THOC5: variants seen among roughly 807,000 people sequenced by gnomAD.
THOC5 encodes the protein THO complex subunit 5, also known as Fms-interacting protein.
THOC5 carries 43 observed loss-of-function variants against 92.9 expected under a neutral mutation model. The observed-to-expected ratio is 0.46, with a 90% CI of 0.36 to 0.60. The LOEUF (loss-of-function observed/expected upper bound fraction) is 0.60. Among genes scored for constraint, THOC5 ranks in the 20% least tolerant of loss-of-function variants. THOC5 has a pLI of 0.00. For missense variants in THOC5, 659 were observed against 849.4 expected (o/e 0.78, Z 2.79); for synonymous variants, 296 against 320.1 (o/e 0.92, Z 0.80).
At chr22:29,531,416 G>C in intron 8 of THOC5, 1 of 1,003,128 alleles carries the variant, frequency 1.0e-6, no homozygotes, top group Non-Finnish European at 1.2e-6. Context: ...AAGACATGCA[G>C]CCTGATTCAA....
At chr22:29,552,365 A>G (rs973046176) in intron 1 of THOC5, among the ~76,000 whole-genome samples, 11 of 144,708 alleles carry the variant, frequency 7.6e-5, no homozygotes, top group Non-Finnish European at 1.7e-4. Context: ...GCCGCCCATC[A>G]TCTCAGATGT....
At chr22:29,531,412 T>C in intron 8 of THOC5, 1 of 1,002,202 alleles carries the variant, frequency 1.0e-6, no homozygotes, top group Non-Finnish European at 1.2e-6. Context: ...AACAAAGACA[T>C]GCAGCCTGAT....
intron 6 of THOC5, among the ~76,000 whole-genome samples, chr22:29,537,940 T>A (rs1175138374): frequency 6.6e-6 from 1 of 152,172 alleles, no homozygotes; most frequent in African/African-American, 2.4e-5. Flanking sequence ...ACCTCTTTAT[T>A]CATATAGAAA....
chr22:29,520,944 C>T, intron 13 of THOC5, 54 bp downstream of exon 13: 2 of 1,408,924 alleles, frequency 1.4e-6, no homozygotes, highest in Non-Finnish European at 2.0e-6. Flanking sequence ...TAGCTTGAGC[C>T]ACCAGAGAAA....
chr22:29,538,204 G>C (rs1403056276), intron 6 of THOC5, among the ~76,000 whole-genome samples: 2 of 152,054 alleles, frequency 1.3e-5, no homozygotes, highest in Non-Finnish European at 2.9e-5. Context: ...GGATGGTCTC[G>C]ATCTCCTGAC....
intron 15 of THOC5, among the ~76,000 whole-genome samples, chr22:29,518,282 C>G (rs1024568199): frequency 2.6e-5 from 4 of 152,158 alleles, no homozygotes; most frequent in Non-Finnish European, 4.4e-5. Context: ...ATCTGTCTGC[C>G]TTGGCCTCCC....
At chr22:29,541,727 G>A (rs2063888315) in intron 5 of THOC5, among the ~76,000 whole-genome samples, 1 of 149,396 alleles carries the variant, frequency 6.7e-6, no homozygotes, top group Non-Finnish European at 1.5e-5. Context: ...CGGGCGTGGT[G>A]GCAAGCGCCT....
rs1442826378 is a variant in THOC5 at position 29,508,224 on chromosome 22, G to GAA, written c.*231_*232dup. The GAA allele has an allele frequency of 7.1e-6, 4 of 561,086 alleles. No homozygotes were observed. The highest frequency in any genetic ancestry group is 1.3e-5 in the Non-Finnish European group (4 of 316,004). 34.8% of individuals were successfully genotyped at this position (561,086 alleles called of 1,614,324 possible). On this transcript the variant is annotated 3_prime_UTR_variant, in exon 20 of 20. Coordinates refer to ENST00000490103, the MANE Select transcript of THOC5 (RefSeq NM_003678.5). Reference sequence around the variant, plus strand: ...CCACTCTGCTTTTATTGGCTGCTGAGAAAAAGTCTCTCTACAAATGCTTTT... The same window carrying GAA: ...CCACTCTGCTTTTATTGGCTGCTGAGAAAAAAAGTCTCTCTACAAATGCTTTT...
intron 5 of THOC5, among the ~76,000 whole-genome samples, chr22:29,540,924 A>C (rs1202752405): frequency 1.3e-5 from 2 of 152,168 alleles, no homozygotes; most frequent in African/African-American, 4.8e-5. Context: ...CCTCTCAAAA[A>C]TCAGCATCAG....
At chr22:29,551,875 G>A (rs1306964120) in intron 1 of THOC5, among the ~76,000 whole-genome samples, 2 of 145,010 alleles carry the variant, frequency 1.4e-5, no homozygotes, top group East Asian at 4.3e-4. Flanking sequence ...CGGCTCACTG[G>A]AACCTCTCTG....
chr22:29,511,339 A>G (rs1252741706), intron 18 of THOC5, 43 bp from the exon 19 acceptor site: 1 of 1,584,260 alleles, frequency 6.3e-7, no homozygotes, highest in African/African-American at 1.3e-5. Flanking sequence ...ACCTTCCTGC[A>G]TGTGGGGGAC....
chr22:29,528,204 T>C, intron 10 of THOC5, 27 bp from the exon 11 acceptor site: 2 of 1,614,158 alleles, frequency 1.2e-6, no homozygotes, highest in African/African-American at 1.3e-5. Context: ...GCCAAGCTGA[T>C]GAGCATCAGT....
chr22:29,526,010 A>AT, intron 11 of THOC5, 64 bp from the exon 12 acceptor site: 1 of 792,632 alleles, frequency 1.3e-6, no homozygotes, highest in South Asian at 1.4e-5. Flanking sequence ...GAACAGAGTC[A>AT]TAGGGGGTAG....
At chr22:29,530,728 C>T (rs1382235225) in intron 8 of THOC5, among the ~76,000 whole-genome samples, 1 of 152,124 alleles carries the variant, frequency 6.6e-6, no homozygotes, top group Admixed American at 6.5e-5. Flanking sequence ...AGGTATGACA[C>T]CTCATTGAGT....
intron 5 of THOC5, among the ~76,000 whole-genome samples, chr22:29,539,967 G>A (rs1475857263): frequency 6.6e-6 from 1 of 152,210 alleles, no homozygotes; most frequent in South Asian, 2.1e-4. Flanking sequence ...TGCATGCATA[G>A]TGATTTATAT....
chr22:29,529,285 T>G (rs760189997), intron 8 of THOC5, 46 bp from the exon 9 acceptor site: 1 of 1,603,804 alleles, frequency 6.2e-7, no homozygotes, highest in Non-Finnish European at 8.5e-7. Context: ...TGAGGAAAGC[T>G]GCTAAGCAGT....
chr22:29,509,088 G>A (rs559537880), intron 19 of THOC5, among the ~76,000 whole-genome samples: 4 of 151,974 alleles, frequency 2.6e-5, no homozygotes, highest in East Asian at 1.9e-4. Flanking sequence ...CACATCTACC[G>A]GCCATAGAGT....
intron 19 of THOC5, among the ~76,000 whole-genome samples, chr22:29,508,834 C>T (rs1373872476): frequency 6.6e-6 from 1 of 151,956 alleles, no homozygotes; most frequent in African/African-American, 2.4e-5. Context: ...GTCTCTGTGT[C>T]GCCCAGGCTG....
intron 2 of THOC5, among the ~76,000 whole-genome samples, chr22:29,545,723 C>T (rs1187211461): frequency 1.3e-5 from 2 of 152,210 alleles, no homozygotes; most frequent in African/African-American, 2.4e-5. Context: ...AGCTCCACCC[C>T]TGTGGCTTTG....
Sources: gnomAD v4.1 joint callset for allele counts (sites outside exome capture counted in the v4.1 genomes callset) on GRCh38, gnomAD v4.1.1 for gene constraint, MANE v1.5 for transcripts, NCBI Gene and HGNC (gene_info 2026-07-23, HGNC 2026-07-21) for gene names.